The following STK3 variants were observed in gnomAD, a reference collection of about 807,000 sequenced individuals.
The protein encoded by STK3 is serine/threonine-protein kinase 3.
Under a neutral mutation model 58.0 loss-of-function variants are expected in STK3, and 41 were observed. The observed-to-expected ratio is 0.71, with a 90% CI of 0.55 to 0.92. The LOEUF (loss-of-function observed/expected upper bound fraction) is 0.92, where lower values mean the gene tolerates loss of function less well. Ranked by LOEUF, STK3 falls within the 40% of genes least tolerant of loss-of-function variation. The probability of loss-of-function intolerance (pLI) is 0.00; values close to 1 mark genes in which losing one functional copy is unlikely to be tolerated. For synonymous variants in STK3, 170 were observed against 191.0 expected (o/e 0.89, Z 0.91); for missense variants, 479 against 602.7 (o/e 0.79, Z 2.15).
chr8:98,570,593 CA>C (rs747732361), intron 8 of STK3, among the ~76,000 whole-genome samples: 40 of 151,936 alleles, frequency 2.6e-4, no homozygotes, highest in Admixed American at 8.5e-4. Context: ...TTGGTGGCCA[CA>C]AGGTAGGGCA....
intron 8 of STK3, among the ~76,000 whole-genome samples, chr8:98,555,667 G>C (rs770987541): frequency 6.6e-6 from 1 of 151,988 alleles, no homozygotes; most frequent in African/African-American, 2.4e-5. Context: ...AGAAAAAAAC[G>C]TGTAAAATAT....
At chr8:98,790,028 CAAAAAA>C (rs530630466) in intron 1 of STK3, among the ~76,000 whole-genome samples, 1 of 88,712 alleles carries the variant, frequency 1.1e-5, no homozygotes, top group Non-Finnish European at 2.2e-5. Flanking sequence ...GACTTCATCT[CAAAAAA>C]AAAAAAAAAA....
At chr8:98,768,813 T>C (rs180811146) in intron 2 of STK3, among the ~76,000 whole-genome samples, 1 of 152,348 alleles carries the variant, frequency 6.6e-6, no homozygotes, top group East Asian at 1.9e-4. Context: ...AAACCATTTT[T>C]CTCCAGATAC....
intron 3 of STK3, among the ~76,000 whole-genome samples, chr8:98,877,562 C>T (rs1189472068): frequency 6.6e-6 from 1 of 152,122 alleles, no homozygotes; most frequent in Non-Finnish European, 1.5e-5. Context: ...CGGCTCACCA[C>T]AACTTCCGCC....
chr8:98,726,641 T>A (rs1168522159), intron 4 of STK3, among the ~76,000 whole-genome samples: 1 of 152,166 alleles, frequency 6.6e-6, no homozygotes. Context: ...TGATCATTAG[T>A]ACCCACTCAG....
At chr8:98,710,316 C>T (rs964146359) in intron 4 of STK3, among the ~76,000 whole-genome samples, 2 of 152,134 alleles carry the variant, frequency 1.3e-5, no homozygotes, top group East Asian at 1.9e-4. Context: ...GTACAGTGCA[C>T]TGAGCATGAG....
chr8:98,452,727 T>C (rs929353589), downstream of STK3, among the ~76,000 whole-genome samples: 11 of 151,868 alleles, frequency 7.2e-5, no homozygotes, highest in East Asian at 1.9e-4. Context: ...CTAAGCATCA[T>C]GATTAATCAA....
chr8:98,883,644 T>C, downstream of STK3: 1 of 702,974 alleles, frequency 1.4e-6, no homozygotes, highest in Non-Finnish European at 2.6e-6. Flanking sequence ...GGCATTTCTT[T>C]ACCTGTCTTG....
intron 10 of STK3, among the ~76,000 whole-genome samples, chr8:98,508,415 C>A (rs2131393413): frequency 6.6e-6 from 1 of 152,084 alleles, no homozygotes; most frequent in Non-Finnish European, 1.5e-5. Context: ...TCAAGACAGG[C>A]AAATCCACAG....
chr8:98,937,464 A>C (rs1840237366), intron 1 of STK3, among the ~76,000 whole-genome samples: 1 of 152,240 alleles, frequency 6.6e-6, no homozygotes, highest in Admixed American at 6.5e-5. Context: ...CTAAAAATGT[A>C]AGACAGAATT....
At chr8:98,698,418 G>C (rs1315369700) in intron 6 of STK3, among the ~76,000 whole-genome samples, 1 of 152,078 alleles carries the variant, frequency 6.6e-6, no homozygotes, top group Non-Finnish European at 1.5e-5. Context: ...GATGTTAGCT[G>C]GTTATTTTGC....
At chr8:98,549,998 C>T (rs559054886) in intron 8 of STK3, among the ~76,000 whole-genome samples, 1 of 152,184 alleles carries the variant, frequency 6.6e-6, no homozygotes, top group South Asian at 2.1e-4. Flanking sequence ...CAGAGCAAGA[C>T]CCCATTTCAA....
chr8:98,430,952 C>A (rs776549764), intron 3 of STK3: 1 of 167,066 alleles, frequency 6.0e-6, no homozygotes, highest in African/African-American at 2.4e-5. Context: ...GATGGGGAAC[C>A]TGGGTTCCTC....
At chr8:98,593,493 G>A (rs1040858419) in intron 7 of STK3, among the ~76,000 whole-genome samples, 2 of 152,100 alleles carry the variant, frequency 1.3e-5, no homozygotes, top group Admixed American at 1.3e-4. Context: ...TACCTGCCTT[G>A]GCCTGTTATG....
chr8:98,650,721 G>A (rs1473020924), intron 6 of STK3, among the ~76,000 whole-genome samples: 3 of 152,296 alleles, frequency 2.0e-5, no homozygotes, highest in African/African-American at 4.8e-5. Context: ...CTACGCCCAC[G>A]GAGTCTCGCT....
At chr8:98,779,877 T>C (rs542912119) in intron 1 of STK3, among the ~76,000 whole-genome samples, 1 of 140,706 alleles carries the variant, frequency 7.1e-6, no homozygotes, top group East Asian at 2.0e-4. Context: ...TATAAGTCAA[T>C]GAATGAATGA....
the STK3 span, among the ~76,000 whole-genome samples, chr8:98,347,148 A>C: frequency 6.6e-6 from 1 of 151,902 alleles, no homozygotes. Flanking sequence ...ACCCTATAGC[A>C]GCCACTAAAT....
Position 98,849,087 on chromosome 8 carries a change from G to A in STK3, c.110+34560C>T, listed in dbSNP as rs147780235. Among the ~76,000 whole-genome samples, 1,175 of 151,958 alleles carry A rather than the reference G, an allele frequency of 7.7e-3. 14 individuals carry two copies. The highest frequency in any genetic ancestry group is 0.027 in the African/African-American group (1,112 of 41,430). ...TAAAAATACAAAAAATTAGCTGGGC[G>A]TGGTGGCTGGCACCTGTAGTCCCAG... On this transcript the variant is annotated intron_variant, in intron 3 of 12. Transcript: ENST00000523601.
intron 6 of STK3, among the ~76,000 whole-genome samples, chr8:98,699,124 A>G (rs1450189807): frequency 2.0e-5 from 3 of 151,996 alleles, no homozygotes; most frequent in East Asian, 3.9e-4. Flanking sequence ...GTCTTCCATC[A>G]CTGATACCCT....
Sources: allele counts gnomAD v4.1 joint callset (sites outside exome capture counted in the v4.1 genomes callset), GRCh38; gene constraint gnomAD v4.1.1; transcripts MANE v1.5; gene names NCBI Gene and HGNC (gene_info 2026-07-23, HGNC 2026-07-21).